Variants in CNTN4 observed in about 807,000 individuals in gnomAD.
CNTN4 encodes the protein contactin-4.
Under a neutral mutation model 122.5 loss-of-function variants are expected in CNTN4, and 77 were observed. That is an observed-to-expected ratio of 0.63 (90% CI 0.52 to 0.76). CNTN4 has a LOEUF of 0.76. Among genes scored for constraint, CNTN4 ranks in the 30% least tolerant of loss-of-function variants. The pLI is 0.00. For synonymous variants in CNTN4, 512 were observed against 447.0 expected (o/e 1.15, Z -1.83); for missense variants, 1,256 against 1,259.1 (o/e 1.00, Z 0.04).
chr3:2,813,966 A>T (rs1479415998), intron 6 of CNTN4, among the ~76,000 whole-genome samples: 3 of 152,198 alleles, frequency 2.0e-5, no homozygotes, highest in African/African-American at 4.8e-5. Flanking sequence ...CTGCTAAATC[A>T]CTTCCTCTCT....
chr3:2,298,476 C>T (rs953407482), intron 2 of CNTN4, among the ~76,000 whole-genome samples: 3 of 151,960 alleles, frequency 2.0e-5, no homozygotes, highest in African/African-American at 7.3e-5. Context: ...TATCAAAATG[C>T]CCTTGAAAAA....
At chr3:2,265,714 C>G (rs533206401) in intron 2 of CNTN4, among the ~76,000 whole-genome samples, 169 of 151,804 alleles carry the variant, frequency 1.1e-3, no homozygotes, top group Non-Finnish European at 2.1e-3. Context: ...GATATTTCTT[C>G]ATTTTTAATG....
intron 3 of CNTN4, among the ~76,000 whole-genome samples, chr3:2,463,530 C>T (rs1032896283): frequency 5.9e-5 from 9 of 152,090 alleles, no homozygotes; most frequent in East Asian, 3.9e-4. Flanking sequence ...GAGGCTGAGG[C>T]GGATGGATCA....
At chr3:2,565,458 T>C (rs1225633113) in intron 3 of CNTN4, among the ~76,000 whole-genome samples, 1 of 152,178 alleles carries the variant, frequency 6.6e-6, no homozygotes, top group South Asian at 2.1e-4. Context: ...TTGACTGATG[T>C]GATAGGAATT....
At chr3:2,840,851 T>C (rs969371799) in intron 7 of CNTN4, among the ~76,000 whole-genome samples, 3 of 152,044 alleles carry the variant, frequency 2.0e-5, no homozygotes, top group African/African-American at 7.2e-5. Flanking sequence ...AGTCTAGCAA[T>C]TTGCTGTGTG....
In CNTN4 at chr3:2,480,129, A is replaced by C. The variant is rs146066267; in HGVS notation, c.-88-91287A>C. Among the ~76,000 whole-genome samples, 4 of 131,374 alleles carry C rather than the reference A, an allele frequency of 3.0e-5. No individual in the cohort carries two copies. The East Asian group carries it at 1.1e-3, about 35-fold the overall frequency. The allele number at this position is 131,374 out of a possible 152,430, so 86.2% of individuals were successfully genotyped here. A position where few individuals can be genotyped will look rare whatever the true frequency, so the allele number is the denominator to read the frequency against. On this transcript the variant is annotated intron_variant, in intron 3 of 24. Coordinates refer to ENST00000418658, the MANE Select transcript of CNTN4 (RefSeq NM_175607.3). ...GAGAAGCGCTTCCTCAACTTTGATA[A>C]AGAATATCTAAAAAAAACCCTACAG...
chr3:2,252,352 T>C (rs2040411011), intron 2 of CNTN4, among the ~76,000 whole-genome samples: 1 of 152,038 alleles, frequency 6.6e-6, no homozygotes, highest in Middle Eastern at 3.2e-3. Context: ...GTATCTCTTT[T>C]TGGGATCTTA....
At chr3:2,531,236 GT>G (rs1201274792) in intron 3 of CNTN4, among the ~76,000 whole-genome samples, 1 of 152,188 alleles carries the variant, frequency 6.6e-6, no homozygotes, top group Non-Finnish European at 1.5e-5. Flanking sequence ...ACAAGGTGTT[GT>G]CTTCAGGGTG....
rs79795343 is a variant in CNTN4 at position 2,841,904 on chromosome 3, G to A, written c.454+22323G>A. On this transcript the variant is annotated intron_variant, in intron 7 of 24. Coordinates refer to ENST00000418658, the MANE Select transcript of CNTN4 (RefSeq NM_175607.3). This position sits in a 1 kb window ranked among gnomAD's most constrained non-coding sequence, Gnocchi z 4.8. ...AAGCTGATCAAAGGTGTTGAAAGCT[G>A]ACTGTTAAAGGATTAATTAGGTCAC... Among the ~76,000 whole-genome samples the A allele has an allele frequency of 3.3e-3, 501 of 151,630 alleles. 1 individual carries two copies. The highest frequency in any genetic ancestry group is 0.011 in the African/African-American group (457 of 40,966).
chr3:2,394,477 C>G (rs1249718543), intron 3 of CNTN4, among the ~76,000 whole-genome samples: 1 of 152,072 alleles, frequency 6.6e-6, no homozygotes, highest in East Asian at 1.9e-4. Flanking sequence ...AAAAAGTGCT[C>G]ACATCTTTAG....
intron 2 of CNTN4, among the ~76,000 whole-genome samples, chr3:2,315,636 C>G (rs998648188): frequency 6.6e-5 from 10 of 152,016 alleles, no homozygotes; most frequent in African/African-American, 2.4e-4. Flanking sequence ...ACACCCTGAA[C>G]TGGCCCATTT....
chr3:2,855,927 A>C (rs1172214025), intron 7 of CNTN4, among the ~76,000 whole-genome samples: 1 of 152,210 alleles, frequency 6.6e-6, no homozygotes, highest in African/African-American at 2.4e-5. Context: ...GTATTTTGAT[A>C]GTCCAGAGGT....
intron 2 of CNTN4, among the ~76,000 whole-genome samples, chr3:2,191,804 T>A (rs756776391): frequency 2.0e-5 from 3 of 152,144 alleles, no homozygotes; most frequent in Non-Finnish European, 1.5e-5. Context: ...TATGTATGCA[T>A]GTGCCATGTT....
intron 8 of CNTN4, among the ~76,000 whole-genome samples, chr3:2,873,593 A>G (rs1405695502): frequency 6.6e-6 from 1 of 152,224 alleles, no homozygotes; most frequent in Non-Finnish European, 1.5e-5. Flanking sequence ...TGCATCCTCC[A>G]TTATGGTCTT....
intron 14 of CNTN4, among the ~76,000 whole-genome samples, chr3:3,006,405 G>A (rs1193931566): frequency 2.0e-5 from 3 of 152,126 alleles, no homozygotes; most frequent in Non-Finnish European, 4.4e-5. Flanking sequence ...TCCTTTTGCA[G>A]TGCATTGGAA....
intron 3 of CNTN4, among the ~76,000 whole-genome samples, chr3:2,402,725 T>C (rs889146843): frequency 1.3e-5 from 2 of 152,156 alleles, no homozygotes; most frequent in African/African-American, 4.8e-5. Context: ...AGCCTCTCAA[T>C]GTGTCTTATA....
chr3:2,764,985 C>A (rs1196115175), intron 6 of CNTN4, among the ~76,000 whole-genome samples: 1 of 152,140 alleles, frequency 6.6e-6, no homozygotes, highest in East Asian at 1.9e-4. Context: ...TTATTAATCA[C>A]CACACTATAC....
intron 20 of CNTN4, among the ~76,000 whole-genome samples, chr3:3,040,637 C>A (rs1266428561): frequency 6.6e-6 from 1 of 152,136 alleles, no homozygotes; most frequent in Non-Finnish European, 1.5e-5. Flanking sequence ...CTTGTATTTT[C>A]ATAAAGCATA....
At chr3:2,480,722 C>T (rs766775749) in intron 3 of CNTN4, among the ~76,000 whole-genome samples, 12 of 152,218 alleles carry the variant, frequency 7.9e-5, no homozygotes, top group Admixed American at 5.9e-4. Context: ...AATCAAAATC[C>T]CAGAAAGGTA....
Sources: allele counts gnomAD v4.1 joint callset (sites outside exome capture counted in the v4.1 genomes callset), GRCh38; gene constraint gnomAD v4.1.1; non-coding constraint Gnocchi (gnomAD v3.1); transcripts MANE v1.5; gene names NCBI Gene and HGNC (gene_info 2026-07-23, HGNC 2026-07-21).